Variants in PACC1 observed in about 807,000 individuals in gnomAD.
The protein encoded by PACC1 is proton-activated chloride channel.
Under a neutral mutation model 39.7 loss-of-function variants are expected in PACC1, and 34 were observed. The ratio of observed to expected loss-of-function variants is 0.86; its 90% CI spans 0.65 to 1.14. The LOEUF is 1.14. Ranked by LOEUF, PACC1 falls within the 50% of genes most tolerant of loss-of-function variation. The pLI is 0.00. For synonymous variants in PACC1, 127 were observed against 160.6 expected (o/e 0.79, Z 1.58); for missense variants, 379 against 436.4 (o/e 0.87, Z 1.17).
chr1:212,390,027 A>T (rs1661250906), intron 2 of PACC1, among the ~76,000 whole-genome samples: 2 of 152,304 alleles, frequency 1.3e-5, no homozygotes, highest in South Asian at 4.1e-4. Flanking sequence ...ATCCAATTTG[A>T]AGAAAATATT....
chr1:212,407,700 C>G (rs1245122089), intron 2 of PACC1, among the ~76,000 whole-genome samples: 1 of 152,194 alleles, frequency 6.6e-6, no homozygotes, highest in Non-Finnish European at 1.5e-5. Flanking sequence ...AGGCTGGTCT[C>G]AAACTCCTGG....
chr1:212,404,612 C>T (rs1661839483), intron 2 of PACC1, among the ~76,000 whole-genome samples: 1 of 151,988 alleles, frequency 6.6e-6, no homozygotes, highest in African/African-American at 2.4e-5. Flanking sequence ...CTCATGTCAT[C>T]TCCCTTCCCT....
At chr1:212,378,462 T>C (rs1241723059) in intron 5 of PACC1, among the ~76,000 whole-genome samples, 1 of 152,188 alleles carries the variant, frequency 6.6e-6, no homozygotes, top group East Asian at 1.9e-4. Context: ...TGGTGTGGAA[T>C]GGAGGCAGCT....
At chr1:212,394,780 T>C (rs1661450737) in intron 2 of PACC1, among the ~76,000 whole-genome samples, 1 of 152,174 alleles carries the variant, frequency 6.6e-6, no homozygotes. Context: ...CAAGCATTCT[T>C]ATACACCAAC....
rs1304036635 is a variant in PACC1, at chr1:212,386,960, A to T, written c.274T>A (p.Phe92Ile). 5 of 1,614,080 alleles carry T rather than the reference A, an allele frequency of 3.1e-6. No individual in the cohort carries two copies. Among genetic ancestry groups the T allele is most frequent in the Non-Finnish European group, 4.2e-6 (5 of 1,180,036 alleles). Reference protein sequence around the residue: ...VFLVYRTITDFREKLKHPVMS... With the variant: ...VFLVYRTITDIREKLKHPVMS... ...ACAGGGTGCTTGAGTTTCTCACGAAAGTCTGTGATGGTCCGGTAGACCAGG... is the reference window on the plus strand; with the variant it reads ...ACAGGGTGCTTGAGTTTCTCACGAATGTCTGTGATGGTCCGGTAGACCAGG... Residue 92 changes from phenylalanine (F) to isoleucine (I), a missense_variant, in exon 3 of 8, where the codon TTT (phenylalanine) becomes ATT (isoleucine). Phe to Ile is a conservative substitution (Grantham distance 21). Coordinates refer to ENST00000261455, the MANE Select transcript of PACC1 (RefSeq NM_018252.3). The surrounding 1 kb of genome is among the most constrained non-coding windows in gnomAD (Gnocchi z 5.0).
intron 1 of PACC1, among the ~76,000 whole-genome samples, chr1:212,412,752 C>A (rs1443070227): frequency 6.6e-6 from 1 of 152,180 alleles, no homozygotes; most frequent in African/African-American, 2.4e-5. Context: ...GATGGTGAGG[C>A]ACATGTTCCT....
chr1:212,385,517 T>C (rs1571650949), intron 3 of PACC1, 92 bp from the exon 4 acceptor site: 1 of 1,362,348 alleles, frequency 7.3e-7, no homozygotes, highest in Non-Finnish European at 1.0e-6. Flanking sequence ...ACCTACGTTC[T>C]GGACTCCCTG....
At chr1:212,375,959 T>C (rs1198871317) in intron 6 of PACC1, among the ~76,000 whole-genome samples, 1 of 152,178 alleles carries the variant, frequency 6.6e-6, no homozygotes, top group Non-Finnish European at 1.5e-5. Context: ...GCAATAAAAA[T>C]TCCAAATTTC....
chr1:212,380,106 G>T, intron 4 of PACC1, 69 bp from the exon 5 acceptor site: 1 of 1,537,180 alleles, frequency 6.5e-7, no homozygotes, highest in Admixed American at 1.9e-5. Flanking sequence ...TCTGAGGGCA[G>T]AAGTACTGAC....
At chr1:212,375,690 GC>G (rs1660640785) in intron 6 of PACC1, among the ~76,000 whole-genome samples, 1 of 152,140 alleles carries the variant, frequency 6.6e-6, no homozygotes, top group Non-Finnish European at 1.5e-5. Flanking sequence ...TTTGAGACCA[GC>G]CTGGTCAACA....
At chr1:212,382,696 C>T (rs946881908) in intron 4 of PACC1, among the ~76,000 whole-genome samples, 4 of 152,188 alleles carry the variant, frequency 2.6e-5, no homozygotes, top group South Asian at 2.1e-4. Flanking sequence ...GGTAAGAAGC[C>T]GCCCTCCAAG....
chr1:212,381,477 CT>C (rs779525748), intron 4 of PACC1, among the ~76,000 whole-genome samples: 4 of 152,090 alleles, frequency 2.6e-5, no homozygotes, highest in Non-Finnish European at 5.9e-5. Flanking sequence ...CCATTTCTTC[CT>C]TTAGTACTAG....
rs1660155093 is a variant in PACC1, at chr1:212,364,289, C to T, written c.*926G>A. On this transcript the variant is annotated 3_prime_UTR_variant, in exon 8 of 8. Coordinates refer to ENST00000261455, the MANE Select transcript of PACC1 (RefSeq NM_018252.3). ...GCTTCCTCGGGGACACCAGGTCACT[C>T]TTTCTGGACACCTGCCATCAGTTGC... The T allele has an allele frequency of 6.6e-6, 1 of 152,172 alleles. No individual in the cohort carries two copies. The highest frequency in any genetic ancestry group is 2.4e-5 in the African/African-American group (1 of 41,434). 9.4% of individuals were successfully genotyped at this position (152,172 alleles called of 1,614,324 possible).
rs146460468 is a variant in PACC1 at position 212,377,706 on chromosome 1, G to T, written c.639C>A (p.Ser213Arg). Reference sequence around the variant, plus strand: ...CCTGCATGAAGCCTACCCTGTTTGGGCTTGGAGGAAGGAAGGAGAAGGAAG... The same window carrying T: ...CCTGCATGAAGCCTACCCTGTTTGGTCTTGGAGGAAGGAAGGAGAAGGAAG... Reference protein sequence around the residue: ...LFSSFQEFLQSPNRVGFMQAC... With the variant: ...LFSSFQEFLQRPNRVGFMQAC... Residue 213 changes from serine (S) to arginine (R), a missense_variant and splice_region_variant, in exon 6 of 8, where the codon AGC becomes AGA. Ser to Arg is a moderately radical substitution (Grantham distance 110). Transcript: ENST00000261455. The T allele has an allele frequency of 4.3e-6, 7 of 1,613,742 alleles. No individual in the cohort carries two copies. Among genetic ancestry groups the T allele is most frequent in the Non-Finnish European group, 5.1e-6 (6 of 1,179,892 alleles).
chr1:212,383,736 C>CT (rs757641210), intron 4 of PACC1, among the ~76,000 whole-genome samples: 3 of 152,176 alleles, frequency 2.0e-5, no homozygotes, highest in Non-Finnish European at 4.4e-5. Flanking sequence ...CATGGGAAAG[C>CT]TAAGTATGCT....
chr1:212,393,000 C>A (rs1661382084), intron 2 of PACC1, among the ~76,000 whole-genome samples: 1 of 151,988 alleles, frequency 6.6e-6, no homozygotes. Flanking sequence ...GACTTTAACA[C>A]CCCACTGTCA....
At chr1:212,366,142 A>G (rs549729212) in intron 7 of PACC1, among the ~76,000 whole-genome samples, 15 of 152,240 alleles carry the variant, frequency 9.9e-5, no homozygotes, top group Admixed American at 6.5e-4. Context: ...CAGCAGAGCT[A>G]TTTATCCTAT....
intron 1 of PACC1, 134 bp from the exon 2 acceptor site, chr1:212,410,655 C>A: frequency 1.2e-6 from 1 of 801,452 alleles, no homozygotes; most frequent in Admixed American, 1.9e-5. Context: ...TGTGTTACAG[C>A]AATTTTACAG....
At chr1:212,365,712 T>C (rs1241984502) in intron 7 of PACC1, among the ~76,000 whole-genome samples, 1 of 152,220 alleles carries the variant, frequency 6.6e-6, no homozygotes, top group Non-Finnish European at 1.5e-5. Flanking sequence ...ATTCAGACTA[T>C]ACTTTTAATG....
Sources: gnomAD v4.1 joint callset for allele counts (sites outside exome capture counted in the v4.1 genomes callset) on GRCh38, gnomAD v4.1.1 for gene constraint, Gnocchi (gnomAD v3.1) non-coding constraint, MANE v1.5 for transcripts, NCBI Gene and HGNC (gene_info 2026-07-23, HGNC 2026-07-21) for gene names.